CEP162: variants seen among roughly 807,000 people sequenced by gnomAD.
CEP162 encodes centrosomal protein of 162 kDa.
A neutral mutation model predicts 169.2 loss-of-function variants in CEP162; 141 were observed. That is an observed-to-expected ratio of 0.83 (90% CI 0.73 to 0.96). The LOEUF (loss-of-function observed/expected upper bound fraction) is 0.96. Ranked by LOEUF, CEP162 falls within the 40% of genes least tolerant of loss-of-function variation. The probability of loss-of-function intolerance (pLI) is 0.00; values close to 1 mark genes in which losing one functional copy is unlikely to be tolerated. For synonymous variants in CEP162, 540 were observed against 526.4 expected, an observed-to-expected ratio of 1.03 and a Z score of -0.35; for missense variants, 1,600 against 1,587.2, an observed-to-expected ratio of 1.01 and a Z score of -0.14.
At chr6:84,153,220 C>A in intron 22 of CEP162, 41 bp from the exon 23 acceptor site, 1 of 1,547,248 alleles carries the variant, frequency 6.5e-7, no homozygotes, top group Non-Finnish European at 8.7e-7. Context: ...ACCTGTTAAA[C>A]GTTTCATTAG....
intron 18 of CEP162, among the ~76,000 whole-genome samples, chr6:84,163,538 C>T (rs1303363995): frequency 6.6e-6 from 1 of 151,770 alleles, no homozygotes; most frequent in African/African-American, 2.4e-5. Context: ...TATTGATGAC[C>T]CATGAATTCT....
At chr6:84,146,883 A>T in intron 24 of CEP162, 98 bp from the exon 25 acceptor site, 1 of 526,058 alleles carries the variant, frequency 1.9e-6, no homozygotes, top group South Asian at 3.8e-5. Context: ...ACTCTTATAT[A>T]CTGTTGGTGG....
intron 24 of CEP162, among the ~76,000 whole-genome samples, chr6:84,148,728 C>T (rs543236177): frequency 1.1e-4 from 17 of 152,096 alleles, no homozygotes; most frequent in African/African-American, 3.9e-4. Flanking sequence ...TGATGTTTTT[C>T]TCCCTGACCT....
chr6:84,135,536 T>C (rs2099513660), intron 25 of CEP162, among the ~76,000 whole-genome samples: 1 of 152,216 alleles, frequency 6.6e-6, no homozygotes, highest in Non-Finnish European at 1.5e-5. Context: ...CAATTTAAAC[T>C]GAACCACAAA....
chr6:84,163,232 C>T lies in CEP162; in HGVS notation c.2424G>A (p.Leu808=). 3.1e-6 allele frequency: 5 copies of T among 1,611,402 alleles called. No individual in the cohort carries two copies. Among genetic ancestry groups the T allele is most frequent in the Non-Finnish European group, 4.2e-6 (5 of 1,177,892 alleles). Residue 808 remains leucine, a synonymous_variant, in exon 19 of 27, where the codon CTG becomes CTA. Transcript: ENST00000403245. ...KDSLLEDIKR[L]KQDKQALEVD... is the part of the protein sequence containing the mutation. ...CTTCAAGAGCTTGTTTGTCTTGTTT[C>T]AGTCTTTTGATGTCTTCCAATAAAC... is the stretch of plus-strand genomic sequence containing the variant.
At chr6:84,131,726 C>T (rs971596986) in intron 25 of CEP162, among the ~76,000 whole-genome samples, 4 of 151,960 alleles carry the variant, frequency 2.6e-5, no homozygotes, top group Non-Finnish European at 4.4e-5. Flanking sequence ...TTATCTTGAG[C>T]CTATGTGTGT....
At chr6:84,166,969 T>C (rs187514621) in intron 18 of CEP162, among the ~76,000 whole-genome samples, 2 of 152,332 alleles carry the variant, frequency 1.3e-5, no homozygotes, top group Admixed American at 1.3e-4. Context: ...TTTTTACGAT[T>C]ATTTTAAACT....
intron 6 of CEP162, among the ~76,000 whole-genome samples, chr6:84,208,891 T>C (rs966086311): frequency 6.6e-6 from 1 of 152,238 alleles, no homozygotes; most frequent in Admixed American, 6.5e-5. Context: ...ATTAAGACTT[T>C]AGTAGTCTAG....
intron 25 of CEP162, among the ~76,000 whole-genome samples, chr6:84,137,182 G>A (rs1441640969): frequency 6.6e-6 from 1 of 152,230 alleles, no homozygotes; most frequent in East Asian, 1.9e-4. Flanking sequence ...GAACTGCTGT[G>A]AGAATGACTT....
At chr6:84,130,053 G>T (rs1176428708) in intron 25 of CEP162, among the ~76,000 whole-genome samples, 1 of 152,160 alleles carries the variant, frequency 6.6e-6, no homozygotes, top group East Asian at 1.9e-4. Flanking sequence ...CTAGTTTGTT[G>T]AGAGTTTTTA....
chr6:84,183,539 C>A (rs1429615578), intron 13 of CEP162, among the ~76,000 whole-genome samples: 5 of 152,082 alleles, frequency 3.3e-5, no homozygotes, highest in Non-Finnish European at 5.9e-5. Context: ...CCTCTGGTAC[C>A]CAGATTCCAA....
At chr6:84,218,771 C>A (rs1327470837) in intron 3 of CEP162, among the ~76,000 whole-genome samples, 2 of 152,078 alleles carry the variant, frequency 1.3e-5, no homozygotes, top group East Asian at 3.9e-4. Flanking sequence ...CAAATAATAA[C>A]CTCCATAAGT....
chr6:84,220,756 A>C (rs906224914), intron 3 of CEP162, among the ~76,000 whole-genome samples: 2 of 152,176 alleles, frequency 1.3e-5, no homozygotes, highest in African/African-American at 4.8e-5. Context: ...TATCTTATTA[A>C]ATCACCTTAA....
At chr6:84,209,521 C>T (rs145211429) in intron 6 of CEP162, among the ~76,000 whole-genome samples, 262 of 151,910 alleles carry the variant, frequency 1.7e-3, no homozygotes, top group Non-Finnish European at 2.9e-3. Context: ...ATTACAGGTG[C>T]CCGCCACCAC....
At chr6:84,220,971 T>C (rs763867740) in intron 3 of CEP162, 86 bp downstream of exon 3, 45 of 691,794 alleles carry the variant, frequency 6.5e-5, no homozygotes, top group Non-Finnish European at 1.1e-4. Context: ...TTTCTGTATA[T>C]ATTTATAGTG....
intron 7 of CEP162, among the ~76,000 whole-genome samples, chr6:84,203,349 A>T (rs956793617): frequency 6.6e-6 from 1 of 152,248 alleles, no homozygotes; most frequent in African/African-American, 2.4e-5. Flanking sequence ...AAGAAAAAGT[A>T]TAAGTTAACA....
intron 6 of CEP162, among the ~76,000 whole-genome samples, chr6:84,211,329 C>T (rs1298222696): frequency 6.6e-6 from 1 of 151,412 alleles, no homozygotes; most frequent in Non-Finnish European, 1.5e-5. Context: ...GAGATCAAGA[C>T]CATCCTGGTT....
At chr6:84,151,112 A>G (rs968283878) in intron 23 of CEP162, among the ~76,000 whole-genome samples, 3 of 152,162 alleles carry the variant, frequency 2.0e-5, no homozygotes, top group Non-Finnish European at 4.4e-5. Flanking sequence ...AATGTGACAG[A>G]TTAGGTAAGT....
chr6:84,146,810 G>A (rs1013131161), intron 24 of CEP162, 25 bp from the exon 25 acceptor site: 1 of 1,246,366 alleles, frequency 8.0e-7, no homozygotes, highest in Non-Finnish European at 1.1e-6. Context: ...GAAGTGCTGA[G>A]TTAATAAAGC....
Sources: gnomAD v4.1 joint callset for allele counts (sites outside exome capture counted in the v4.1 genomes callset) on GRCh38, gnomAD v4.1.1 for gene constraint, MANE v1.5 for transcripts, NCBI Gene and HGNC (gene_info 2026-07-23, HGNC 2026-07-21) for gene names.